Variants in SLC26A7 observed in about 807,000 individuals in gnomAD.
SLC26A7 encodes the protein solute carrier family 26 member 7.
In SLC26A7, 59 loss-of-function variants were observed where a neutral mutation model predicts 82.5. The ratio of observed to expected loss-of-function variants is 0.72; its 90% CI spans 0.58 to 0.89. SLC26A7 has a LOEUF of 0.89. Among genes scored for constraint, SLC26A7 ranks in the 40% least tolerant of loss-of-function variants. The pLI, the probability that SLC26A7 is intolerant of heterozygous loss-of-function variation, is 0.00. For synonymous variants in SLC26A7, 271 were observed against 274.3 expected (o/e 0.99, Z 0.12); for missense variants, 820 against 793.0 (o/e 1.03, Z -0.41).
chr8:91,296,402 A>G (rs1006968563), intron 4 of SLC26A7, among the ~76,000 whole-genome samples: 6 of 152,204 alleles, frequency 3.9e-5, no homozygotes, highest in Admixed American at 3.9e-4. Context: ...CTCATGGTCA[A>G]CTGAATTATG....
chr8:91,338,927 A>C (rs112193859), intron 7 of SLC26A7, among the ~76,000 whole-genome samples: 27 of 152,142 alleles, frequency 1.8e-4, no homozygotes, highest in African/African-American at 6.3e-4. Context: ...GAATCCTATA[A>C]ATTTTTATCT....
At chr8:91,225,352 A>T (rs1810218585) in intron 2 of SLC26A7, among the ~76,000 whole-genome samples, 1 of 152,020 alleles carries the variant, frequency 6.6e-6, no homozygotes, top group African/African-American at 2.4e-5. Context: ...TCCGTGGAAA[A>T]AGCACAGTTT....
rs185564882 is a variant in SLC26A7, at chr8:91,355,901, C to T, written c.1314+2905C>T. On this transcript the variant is annotated intron_variant, in intron 11 of 18. Transcript: ENST00000276609. ...TCTCCCCCAACCCCAGAACAGTCCC[C>T]GGAGTGTGATGTTCCCCTTCCTGTG... Among the ~76,000 whole-genome samples the T allele has an allele frequency of 3.4e-3, 522 of 152,186 alleles. 3 individuals carry two copies. Among genetic ancestry groups the T allele is most frequent in the African/African-American group, 0.012 (501 of 41,512 alleles).
chr8:91,353,010 T>G lies in SLC26A7; in HGVS notation c.1314+14T>G. ...AAAATCGATTGGGTAAGTAGAAATT[T>G]GACCTAAAACAATCCCTTTTTAGCT... On this transcript the variant is annotated intron_variant, in intron 11 of 18. Coordinates refer to ENST00000276609, the MANE Select transcript of SLC26A7 (RefSeq NM_052832.4). The G allele has an allele frequency of 6.3e-7, 1 of 1,576,996 alleles. No homozygotes were observed. The highest frequency in any genetic ancestry group is 8.7e-7 in the Non-Finnish European group (1 of 1,153,240).
chr8:91,241,774 A>T (rs767643302), intron 2 of SLC26A7, among the ~76,000 whole-genome samples: 2 of 152,190 alleles, frequency 1.3e-5, no homozygotes, highest in Non-Finnish European at 2.9e-5. Flanking sequence ...TCCATCTTAG[A>T]ATAATCCCCT....
intron 1 of SLC26A7, among the ~76,000 whole-genome samples, chr8:91,213,606 A>T (rs959196997): frequency 1.3e-5 from 2 of 152,232 alleles, no homozygotes; most frequent in South Asian, 4.1e-4. Context: ...CTAAAGAGGT[A>T]AAAGATATTA....
chr8:91,257,647 C>T (rs540200916), intron 2 of SLC26A7, among the ~76,000 whole-genome samples: 1 of 151,952 alleles, frequency 6.6e-6, no homozygotes, highest in Non-Finnish European at 1.5e-5. Context: ...ACATTTTTTC[C>T]CCTTCATTCT....
chr8:91,233,473 A>G (rs1047736550), intron 2 of SLC26A7, among the ~76,000 whole-genome samples: 1 of 152,122 alleles, frequency 6.6e-6, no homozygotes, highest in Non-Finnish European at 1.5e-5. Flanking sequence ...AGGCTGAGAC[A>G]GGAGAATCAC....
intron 11 of SLC26A7, among the ~76,000 whole-genome samples, chr8:91,357,913 A>G (rs1226671195): frequency 6.6e-6 from 1 of 152,206 alleles, no homozygotes; most frequent in Non-Finnish European, 1.5e-5. Flanking sequence ...CAAATTTACA[A>G]GAAAAAGAAA....
At chr8:91,332,963 A>G (rs1399219421) in intron 5 of SLC26A7, among the ~76,000 whole-genome samples, 1 of 152,158 alleles carries the variant, frequency 6.6e-6, no homozygotes, top group East Asian at 1.9e-4. Context: ...TGAATTTGAG[A>G]ACCACTATGT....
intron 15 of SLC26A7, among the ~76,000 whole-genome samples, chr8:91,379,101 G>A (rs971822354): frequency 6.6e-6 from 1 of 151,318 alleles, no homozygotes; most frequent in Non-Finnish European, 1.5e-5. Flanking sequence ...AAATAAAAAT[G>A]TATAGACCTA....
intron 2 of SLC26A7, among the ~76,000 whole-genome samples, chr8:91,244,296 T>C (rs1379510838): frequency 6.6e-6 from 1 of 152,152 alleles, no homozygotes; most frequent in Non-Finnish European, 1.5e-5. Flanking sequence ...CTCCTTTGCC[T>C]TGCCTTTTCT....
At chr8:91,272,621 C>T (rs1201332918) in intron 2 of SLC26A7, among the ~76,000 whole-genome samples, 1 of 152,074 alleles carries the variant, frequency 6.6e-6, no homozygotes, top group East Asian at 1.9e-4. Flanking sequence ...AAAACGTATG[C>T]AGTGACAAGA....
chr8:91,229,973 C>A (rs529962435), intron 2 of SLC26A7, among the ~76,000 whole-genome samples: 1 of 152,284 alleles, frequency 6.6e-6, no homozygotes, highest in East Asian at 1.9e-4. Flanking sequence ...CCTTCACCCC[C>A]GGCAAACAAC....
intron 15 of SLC26A7, among the ~76,000 whole-genome samples, chr8:91,370,498 C>T (rs898563860): frequency 6.6e-6 from 1 of 151,926 alleles, no homozygotes; most frequent in Non-Finnish European, 1.5e-5. Flanking sequence ...GATCTCCACC[C>T]AAAACAAACT....
chr8:91,333,916 TTGAGGAGGGCC>T (rs1205855849), intron 5 of SLC26A7, among the ~76,000 whole-genome samples: 7 of 152,164 alleles, frequency 4.6e-5, no homozygotes, highest in Non-Finnish European at 8.8e-5. Context: ...CTTCTGGGGT[TTGAGGAGGGCC>T]CCAAAGTTGG....
intron 2 of SLC26A7, among the ~76,000 whole-genome samples, chr8:91,236,118 C>T (rs1240689528): frequency 1.3e-5 from 2 of 152,064 alleles, no homozygotes; most frequent in African/African-American, 4.8e-5. Context: ...AAATTTGTAA[C>T]CAAATATTTA....
intron 15 of SLC26A7, among the ~76,000 whole-genome samples, chr8:91,377,217 G>A (rs1814542706): frequency 6.6e-6 from 1 of 152,196 alleles, no homozygotes; most frequent in Non-Finnish European, 1.5e-5. Flanking sequence ...CCATCAGGGA[G>A]AACCTCTTCT....
intron 2 of SLC26A7, among the ~76,000 whole-genome samples, chr8:91,277,947 G>T (rs1297624701): frequency 2.6e-5 from 4 of 152,234 alleles, no homozygotes; most frequent in African/African-American, 9.6e-5. Flanking sequence ...AGGAGCTAGA[G>T]ACTAGGAGGG....
Sources: gnomAD v4.1 joint callset for allele counts (sites outside exome capture counted in the v4.1 genomes callset) on GRCh38, gnomAD v4.1.1 for gene constraint, MANE v1.5 for transcripts, NCBI Gene and HGNC (gene_info 2026-07-23, HGNC 2026-07-21) for gene names.